The following SLC17A8 variants were observed in gnomAD, a reference collection of about 807,000 sequenced individuals.
SLC17A8 encodes vesicular glutamate transporter 3.
In SLC17A8, 31 loss-of-function variants were observed where a neutral mutation model predicts 58.0. The observed-to-expected ratio is 0.53, with a 90% confidence interval of 0.40 to 0.72. SLC17A8 has a LOEUF of 0.72. SLC17A8 is among the 30% of genes least tolerant of loss of function. The pLI, the probability that SLC17A8 is intolerant of heterozygous loss-of-function variation, is 0.00. For missense variants in SLC17A8, 655 were observed against 727.8 expected (o/e 0.90, Z 1.15); for synonymous variants, 228 against 249.0 (o/e 0.92, Z 0.79).
At position 100,370,797 on chromosome 12, in the gene SLC17A8, G is replaced by A. The variant is rs542765794; in HGVS notation, c.102-9904G>A. ...CTAATGATCCCTGCTGAGGTAAGAA[G>A]CAGTGAGTCTCTGCTTAAATGGGGG... On this transcript the variant is annotated intron_variant, in intron 1 of 11. Coordinates refer to ENST00000323346, the MANE Select transcript of SLC17A8 (RefSeq NM_139319.3). Among the ~76,000 whole-genome samples, 13 of 152,230 alleles carry A rather than the reference G, an allele frequency of 8.5e-5. No individual in the cohort carries two copies. In the East Asian group the frequency reaches 2.3e-3, roughly 27 times the overall value.
chr12:100,415,432 T>A (rs1349362960), intron 10 of SLC17A8, among the ~76,000 whole-genome samples: 3 of 76,092 alleles, frequency 3.9e-5, no homozygotes, highest in African/African-American at 5.3e-5. Context: ...AGATTCTGTC[T>A]CAAAAAAAAA....
intron 1 of SLC17A8, among the ~76,000 whole-genome samples, chr12:100,371,535 G>GT (rs1031939120): frequency 3.9e-5 from 6 of 152,102 alleles, no homozygotes; most frequent in South Asian, 2.1e-4. Flanking sequence ...CCTTGGGCAA[G>GT]TTTTTTTTGT....
chr12:100,419,142 C>T (rs915239661), intron 11 of SLC17A8, among the ~76,000 whole-genome samples: 7 of 152,142 alleles, frequency 4.6e-5, no homozygotes, highest in East Asian at 1.9e-4. Context: ...ATATTTAAAA[C>T]GGTGGGTTCC....
At chr12:100,404,321 C>A in intron 9 of SLC17A8, 151 bp downstream of exon 9, 1 of 951,120 alleles carries the variant, frequency 1.1e-6, no homozygotes, top group Non-Finnish European at 1.6e-6. Flanking sequence ...GAGTGTTGTC[C>A]ATCACAGTGC....
At chr12:100,379,175 G>T (rs1041448776) in intron 1 of SLC17A8, among the ~76,000 whole-genome samples, 1 of 151,422 alleles carries the variant, frequency 6.6e-6, no homozygotes, top group South Asian at 2.1e-4. Flanking sequence ...GGTGGCTCAC[G>T]CCTGTAATCC....
intron 2 of SLC17A8, 147 bp from the exon 3 acceptor site, chr12:100,390,854 A>G: frequency 1.5e-6 from 1 of 685,322 alleles, no homozygotes; most frequent in Non-Finnish European, 2.7e-6. Context: ...GCTATCCCCA[A>G]GTATGTAAGA....
chr12:100,370,780 C>G (rs921067830), intron 1 of SLC17A8, among the ~76,000 whole-genome samples: 1 of 152,052 alleles, frequency 6.6e-6, no homozygotes, highest in Non-Finnish European at 1.5e-5. Flanking sequence ...ATCTAATGAT[C>G]CCTGCTGAGG....
intron 9 of SLC17A8, among the ~76,000 whole-genome samples, chr12:100,409,947 A>G (rs894795816): frequency 1.3e-5 from 2 of 152,242 alleles, no homozygotes; most frequent in Admixed American, 1.3e-4. Context: ...CACTATACTC[A>G]TGATATGGAG....
At chr12:100,419,287 C>A (rs1022507767) in intron 11 of SLC17A8, among the ~76,000 whole-genome samples, 3 of 152,150 alleles carry the variant, frequency 2.0e-5, no homozygotes, top group Non-Finnish European at 2.9e-5. Context: ...GTAATCCCAG[C>A]ACTTTGGGAG....
At chr12:100,373,445 C>T (rs1262672393) in intron 1 of SLC17A8, among the ~76,000 whole-genome samples, 2 of 152,164 alleles carry the variant, frequency 1.3e-5, no homozygotes, top group East Asian at 3.9e-4. Context: ...TGGAATTGAT[C>T]CACCAATTCC....
chr12:100,400,716 G>A (rs1230843766), intron 5 of SLC17A8, among the ~76,000 whole-genome samples: 1 of 151,974 alleles, frequency 6.6e-6, no homozygotes, highest in African/African-American at 2.4e-5. Flanking sequence ...CAGCCCAGGG[G>A]GAGTTTCAGA....
chr12:100,391,799 TG>T (rs1361058667), intron 3 of SLC17A8, among the ~76,000 whole-genome samples: 1 of 152,120 alleles, frequency 6.6e-6, no homozygotes, highest in Non-Finnish European at 1.5e-5. Flanking sequence ...ATCTGTGAAA[TG>T]AAACATTGGA....
In SLC17A8 at chr12:100,402,475, T is replaced by G; in HGVS notation, c.899T>G (p.Leu300Arg). 1.9e-6 allele frequency: 3 copies of G among 1,614,074 alleles called. No homozygotes were observed. The highest frequency in any genetic ancestry group is 2.5e-6 in the Non-Finnish European group (3 of 1,180,000). The change falls in exon 7 of 12, where the codon CTA becomes CGA. Residue 300 changes from leucine to arginine, a missense_variant. Coordinates refer to ENST00000323346, the MANE Select transcript of SLC17A8 (RefSeq NM_139319.3). ...SIGEGANVVS[L>R]SKFSTPWKRF... ...GGAGAGGGGGCCAACGTGGTTAGTC[T>G]AAGTGTAAGTATAAAAAGTCAGATG...
chr12:100,412,428 G>A (rs1444387631), intron 9 of SLC17A8, among the ~76,000 whole-genome samples: 3 of 151,954 alleles, frequency 2.0e-5, no homozygotes, highest in African/African-American at 4.8e-5. Context: ...GGGGCAAGGG[G>A]AGGGACAGCA....
At chr12:100,362,981 C>A (rs567378288) in intron 1 of SLC17A8, among the ~76,000 whole-genome samples, 49 of 152,306 alleles carry the variant, frequency 3.2e-4, no homozygotes, top group African/African-American at 1.2e-3. Flanking sequence ...GATGTCCCAG[C>A]AGATCATCTG....
In SLC17A8 at chr12:100,377,585, ATTTTTTTT is replaced by A. The variant is rs35397911; in HGVS notation, c.102-3100_102-3093del. ...GGCTTCAAGATATATATATATATATATTTTTTTTTTTTTTTTTTTTTTTGAGACGGAGT... is the reference window on the plus strand; with the variant it reads ...GGCTTCAAGATATATATATATATATATTTTTTTTTTTTTTTGAGACGGAGT... On this transcript the variant is annotated intron_variant, in intron 1 of 11. Coordinates refer to ENST00000323346, the MANE Select transcript of SLC17A8 (RefSeq NM_139319.3). 1.4e-4 allele frequency among the ~76,000 whole-genome samples: 12 copies of A among 84,032 alleles called. No homozygotes were observed. The East Asian group carries it at 1.9e-3, about 13-fold the overall frequency. 55.1% of individuals were successfully genotyped at this position (84,032 alleles called of 152,430 possible).
At chr12:100,396,453 G>T in intron 5 of SLC17A8, 36 bp downstream of exon 5, 1 of 1,580,138 alleles carries the variant, frequency 6.3e-7, no homozygotes, top group Non-Finnish European at 8.7e-7. Flanking sequence ...TTTTATTTAT[G>T]AATGCTTTTT....
chr12:100,403,576 GGATAGT>G (rs1952806688), intron 8 of SLC17A8, among the ~76,000 whole-genome samples: 1 of 152,112 alleles, frequency 6.6e-6, no homozygotes, highest in African/African-American at 2.4e-5. Context: ...GGAAGGGTGT[GGATAGT>G]GAATCATCAA....
At chr12:100,380,594 T>G in intron 1 of SLC17A8, 107 bp from the exon 2 acceptor site, 1 of 1,193,334 alleles carries the variant, frequency 8.4e-7, no homozygotes. Context: ...CTATGGGTCT[T>G]CCTTTTTGTT....
Sources: allele counts gnomAD v4.1 joint callset (sites outside exome capture counted in the v4.1 genomes callset), GRCh38; gene constraint gnomAD v4.1.1; transcripts MANE v1.5; gene names NCBI Gene and HGNC (gene_info 2026-07-23, HGNC 2026-07-21).